FAM135B: variants seen among roughly 807,000 people sequenced by gnomAD.
The protein encoded by FAM135B is family with sequence similarity 135 member B.
FAM135B carries 43 observed loss-of-function variants against 127.7 expected under a neutral mutation model. That is an observed-to-expected ratio of 0.34 (90% CI 0.26 to 0.43). FAM135B has a LOEUF of 0.43. Among genes scored for constraint, FAM135B ranks in the 20% least tolerant of loss-of-function variants. FAM135B has a pLI of 1.00. For missense variants in FAM135B, 1,558 were observed against 1,725.6 expected (o/e 0.90, Z 1.72); for synonymous variants, 670 against 665.1 (o/e 1.01, Z -0.11).
At chr8:138,173,212 G>A (rs1184072440) in intron 11 of FAM135B, among the ~76,000 whole-genome samples, 5 of 152,142 alleles carry the variant, frequency 3.3e-5, no homozygotes, top group Admixed American at 1.3e-4. Context: ...TTGTTTCAAC[G>A]TCAGGTTTAC....
intron 1 of FAM135B, among the ~76,000 whole-genome samples, chr8:138,423,483 T>A (rs1048780361): frequency 6.6e-6 from 1 of 152,084 alleles, no homozygotes; most frequent in African/African-American, 2.4e-5. Context: ...GTCGGTAGGT[T>A]CCGTGATGCC....
intron 2 of FAM135B, among the ~76,000 whole-genome samples, chr8:138,319,108 GT>G (rs1171694078): frequency 9.9e-5 from 15 of 151,518 alleles, no homozygotes; most frequent in South Asian, 2.1e-4. Flanking sequence ...TGTTGTTGTT[GT>G]TTGTTTGTTT....
chr8:138,182,917 T>C (rs1409954152), intron 9 of FAM135B, among the ~76,000 whole-genome samples: 4 of 152,164 alleles, frequency 2.6e-5, no homozygotes, highest in Non-Finnish European at 4.4e-5. Context: ...CCCAGGTGAT[T>C]GTAATGGGCA....
At chr8:138,340,730 C>T (rs568682831) in intron 2 of FAM135B, among the ~76,000 whole-genome samples, 4 of 152,250 alleles carry the variant, frequency 2.6e-5, no homozygotes, top group African/African-American at 9.6e-5. Context: ...TGCATGCTTC[C>T]CACATCCTTG....
intron 1 of FAM135B, among the ~76,000 whole-genome samples, chr8:138,473,616 C>T (rs1171591636): frequency 6.6e-6 from 1 of 152,118 alleles, no homozygotes. Flanking sequence ...GCCTAATATC[C>T]TCATCCTGAA....
At chr8:138,143,931 G>C (rs1817434221) in intron 15 of FAM135B, among the ~76,000 whole-genome samples, 1 of 152,168 alleles carries the variant, frequency 6.6e-6, no homozygotes, top group African/African-American at 2.4e-5. Context: ...ACGAGTCTCT[G>C]TCACCTGCCA....
intron 3 of FAM135B, among the ~76,000 whole-genome samples, chr8:138,277,818 G>A (rs1224121234): frequency 2.0e-5 from 3 of 152,210 alleles, no homozygotes; most frequent in Non-Finnish European, 2.9e-5. Context: ...AGAAGATGCT[G>A]TCCATCTCTT....
intron 11 of FAM135B, among the ~76,000 whole-genome samples, chr8:138,175,981 A>C (rs1437142101): frequency 6.6e-6 from 1 of 152,178 alleles, no homozygotes. Context: ...GGACATGCCC[A>C]TTATGTCCTC....
At chr8:138,411,588 T>C (rs1288769683) in intron 1 of FAM135B, among the ~76,000 whole-genome samples, 2 of 152,138 alleles carry the variant, frequency 1.3e-5, no homozygotes, top group Non-Finnish European at 2.9e-5. Context: ...AAGGACTTCA[T>C]GACTAAAACA....
At chr8:138,237,315 C>T (rs1258190872) in intron 7 of FAM135B, among the ~76,000 whole-genome samples, 1 of 152,074 alleles carries the variant, frequency 6.6e-6, no homozygotes, top group Admixed American at 6.5e-5. Context: ...TGCCCGCCAA[C>T]ACATCCAGCT....
At chr8:138,403,305 C>T (rs1833255453) in intron 1 of FAM135B, among the ~76,000 whole-genome samples, 1 of 152,056 alleles carries the variant, frequency 6.6e-6, no homozygotes, top group Non-Finnish European at 1.5e-5. Context: ...CTTCCATTCC[C>T]ATGCTTTTAC....
intron 2 of FAM135B, chr8:138,358,618 C>A (rs1376130850): frequency 6.6e-6 from 1 of 152,134 alleles, no homozygotes; most frequent in Non-Finnish European, 1.5e-5. Flanking sequence ...CCCATGGGTA[C>A]CCTGCTAATA....
chr8:138,143,219 C>T (rs1416095712), intron 15 of FAM135B, 110 bp from the exon 16 acceptor site: 3 of 659,880 alleles, frequency 4.5e-6, no homozygotes, highest in Non-Finnish European at 8.2e-6. Flanking sequence ...GGGGATGTGC[C>T]TACCTCTGAT....
At chr8:138,367,198 C>A in intron 2 of FAM135B, 1 of 327,404 alleles carries the variant, frequency 3.1e-6, no homozygotes, top group Non-Finnish European at 6.0e-6. Flanking sequence ...TAATTGGACA[C>A]TTAATTCAAT....
chr8:138,250,254 G>A (rs1821598208), intron 6 of FAM135B, among the ~76,000 whole-genome samples: 2 of 152,140 alleles, frequency 1.3e-5, no homozygotes, highest in Non-Finnish European at 2.9e-5. Context: ...TCGGGAGGCT[G>A]AGGTAGGAGA....
intron 1 of FAM135B, among the ~76,000 whole-genome samples, chr8:138,387,874 A>G (rs1341827311): frequency 6.6e-6 from 1 of 152,180 alleles, no homozygotes; most frequent in African/African-American, 2.4e-5. Flanking sequence ...CCCAGAAGCT[A>G]GAGGATCTAT....
intron 7 of FAM135B, among the ~76,000 whole-genome samples, chr8:138,217,290 TG>T (rs1355908511): frequency 6.6e-6 from 1 of 152,110 alleles, no homozygotes; most frequent in African/African-American, 2.4e-5. Flanking sequence ...GACAACAAAA[TG>T]GTATAACTGA....
chr8:138,406,114 A>G (rs1267491546), intron 1 of FAM135B, among the ~76,000 whole-genome samples: 1 of 149,240 alleles, frequency 6.7e-6, no homozygotes, highest in African/African-American at 2.5e-5. Context: ...TCTGGATATC[A>G]GCCCTTTGTC....
intron 7 of FAM135B, among the ~76,000 whole-genome samples, chr8:138,206,347 C>A (rs1586770248): frequency 4.9e-5 from 7 of 142,302 alleles, no homozygotes; most frequent in East Asian, 4.2e-4. Context: ...CTACCCACAA[C>A]TCCAGCATCC....
Sources: allele counts gnomAD v4.1 joint callset (sites outside exome capture counted in the v4.1 genomes callset), GRCh38; gene constraint gnomAD v4.1.1; transcripts MANE v1.5; gene names NCBI Gene and HGNC (gene_info 2026-07-23, HGNC 2026-07-21).